Variants in IL18 observed in about 807,000 individuals in gnomAD.
IL18 encodes the protein interleukin 18.
Under a neutral mutation model 14.2 loss-of-function variants are expected in IL18, and 8 were observed. The observed-to-expected ratio is 0.56, with a 90% confidence interval of 0.33 to 1.01. The LOEUF is 1.01. Among genes scored for constraint, IL18 ranks in the 50% least tolerant of loss-of-function variants. The pLI, the probability that IL18 is intolerant of heterozygous loss-of-function variation, is 0.03. For synonymous variants in IL18, 67 were observed against 71.0 expected (o/e 0.94, Z 0.28); for missense variants, 166 against 231.1 (o/e 0.72, Z 1.83).
intron 5 of IL18, among the ~76,000 whole-genome samples, chr11:112,145,594 C>A (rs966513745): frequency 2.6e-5 from 4 of 152,078 alleles, no homozygotes; most frequent in Non-Finnish European, 5.9e-5. Context: ...AAAAAATTAG[C>A]TGGGCATGGT....
intron 5 of IL18, among the ~76,000 whole-genome samples, chr11:112,148,028 T>C (rs1271364729): frequency 6.6e-6 from 1 of 152,182 alleles, no homozygotes; most frequent in Non-Finnish European, 1.5e-5. Context: ...TTGAAGATAA[T>C]TATAGCATTA....
intron 3 of IL18, among the ~76,000 whole-genome samples, chr11:112,151,346 T>C (rs1866435981): frequency 6.6e-6 from 1 of 152,170 alleles, no homozygotes; most frequent in Admixed American, 6.6e-5. Context: ...AGCATTTCTG[T>C]GTCTGTATAT....
intron 1 of IL18, among the ~76,000 whole-genome samples, chr11:112,160,192 TC>T (rs1169353586): frequency 6.6e-6 from 1 of 151,996 alleles, no homozygotes; most frequent in Non-Finnish European, 1.5e-5. Flanking sequence ...AATCAAGCCC[TC>T]ATTACCCCTG....
At chr11:112,147,182 G>A (rs1866358877) in intron 5 of IL18, among the ~76,000 whole-genome samples, 1 of 151,570 alleles carries the variant, frequency 6.6e-6, no homozygotes, top group South Asian at 2.1e-4. Flanking sequence ...CGCCCCCCTC[G>A]GCCTCCCAAA....
At chr11:112,162,365 T>C (rs1411771986) in intron 1 of IL18, among the ~76,000 whole-genome samples, 2 of 147,852 alleles carry the variant, frequency 1.4e-5, no homozygotes, top group Admixed American at 6.8e-5. Flanking sequence ...TTTTGAGACA[T>C]GGTCTTGCTC....
At chr11:112,158,949 T>G (rs2135323421) in intron 1 of IL18, among the ~76,000 whole-genome samples, 1 of 152,196 alleles carries the variant, frequency 6.6e-6, no homozygotes, top group East Asian at 1.9e-4. Context: ...GTAAGCAGAC[T>G]AAAGAGTTTG....
In IL18 at chr11:112,150,172, T is replaced by C. The variant is rs1465017742; in HGVS notation, c.126A>G (p.Glu42=). ...NLESDYFGKL[E]SKLSVIRNLN... ...AATTTCTTATGACTGATAATTTAGATTCAAGCTTGCCAAAGTAATCTGATT... is the reference window on the plus strand; with the variant it reads ...AATTTCTTATGACTGATAATTTAGACTCAAGCTTGCCAAAGTAATCTGATT... Residue 42 remains glutamate (E), a synonymous_variant, in exon 4 of 6, where the codon GAA becomes GAG. Coordinates refer to ENST00000280357, the MANE Select transcript of IL18 (RefSeq NM_001562.4). 1 of 1,591,950 alleles carries C rather than the reference T, an allele frequency of 6.3e-7. No homozygotes were observed. Among genetic ancestry groups the C allele is most frequent in the Admixed American group, 1.7e-5 (1 of 59,444 alleles).
chr11:112,158,521 GTTT>G (rs71060226), intron 1 of IL18, among the ~76,000 whole-genome samples: 1 of 104,984 alleles, frequency 9.5e-6, no homozygotes, highest in East Asian at 2.6e-4. Flanking sequence ...TTTATTTGGA[GTTT>G]TTTTTTTTTT....
intron 3 of IL18, among the ~76,000 whole-genome samples, chr11:112,152,043 A>G (rs937350630): frequency 2.6e-5 from 4 of 152,148 alleles, no homozygotes; most frequent in African/African-American, 9.7e-5. Flanking sequence ...CTCCAGCCCA[A>G]ATCTTTGTCC....
intron 1 of IL18, among the ~76,000 whole-genome samples, chr11:112,161,318 A>G (rs1866627641): frequency 6.6e-6 from 1 of 152,212 alleles, no homozygotes; most frequent in South Asian, 2.1e-4. Flanking sequence ...GAAGTTGGCT[A>G]GTCAGTCTTT....
chr11:112,147,639 G>A (rs1453954736), intron 5 of IL18, among the ~76,000 whole-genome samples: 1 of 152,234 alleles, frequency 6.6e-6, no homozygotes, highest in East Asian at 1.9e-4. Flanking sequence ...TGAGGGATTT[G>A]TCTGGGGGCT....
Position 112,153,610 on chromosome 11 carries a change from G to C in IL18, c.80-7C>G. ...ACTTTACCATCATCTTCAGCTAAGA[G>C]GGGGAAAAAGAGAGAAACAGAATAT... On this transcript the variant is annotated splice_polypyrimidine_tract_variant and splice_region_variant and intron_variant, in intron 2 of 5. Coordinates refer to ENST00000280357, the MANE Select transcript of IL18 (RefSeq NM_001562.4). 6.5e-7 allele frequency: 1 copy of C among 1,547,730 alleles called. No individual in the cohort carries two copies. The highest frequency in any genetic ancestry group is 8.8e-7 in the Non-Finnish European group (1 of 1,136,486).
intron 4 of IL18, among the ~76,000 whole-genome samples, chr11:112,149,339 AAC>A (rs1402480713): frequency 2.0e-5 from 3 of 152,066 alleles, no homozygotes; most frequent in Admixed American, 1.3e-4. Context: ...TGTGTATTAC[AAC>A]ACACACGCTG....
chr11:112,143,794 G>T lies in IL18; in HGVS notation c.384C>A (p.Ile128=). Residue 128 remains isoleucine (I), a synonymous_variant, in exon 6 of 6, where the codon ATC becomes ATA. Transcript: ENST00000280357. The part of the protein sequence containing the change: ...SFKEMNPPDN[I]KDTKSDIIFF... ...ATATGATGTCACTTTTTGTATCCTT[G>T]ATGTTATCAGGAGGATTCATTTCCT... 6.2e-7 allele frequency: 1 copy of T among 1,602,868 alleles called. No homozygotes were observed.
At position 112,143,683 on chromosome 11, in the gene IL18, T is replaced by C. The variant is rs1276717175; in HGVS notation, c.495A>G (p.Lys165=). ...AAATGAGTTTAAAAAGGTCTCTCTC[T>C]TTTTCACAAGCTAGAAAGTATCCTT... ...SYEGYFLACE[K]ERDLFKLILK... Residue 165 remains lysine (K), a synonymous_variant, in exon 6 of 6, where the codon AAA becomes AAG. Coordinates refer to ENST00000280357, the MANE Select transcript of IL18 (RefSeq NM_001562.4). The C allele has an allele frequency of 6.2e-7, 1 of 1,612,850 alleles. No homozygotes were observed. The highest frequency in any genetic ancestry group is 1.1e-5 in the South Asian group (1 of 91,052).
intron 3 of IL18, among the ~76,000 whole-genome samples, chr11:112,151,419 T>C (rs1231491702): frequency 2.0e-5 from 3 of 152,110 alleles, no homozygotes; most frequent in Non-Finnish European, 4.4e-5. Flanking sequence ...TTCTGGGTGG[T>C]TTTTATATTT....
In IL18 at chr11:112,150,177, G is replaced by A; in HGVS notation, c.121C>T (p.Leu41Phe). 6.3e-7 allele frequency: 1 copy of A among 1,583,950 alleles called. No individual in the cohort carries two copies. Among genetic ancestry groups the A allele is most frequent in the Non-Finnish European group, 8.7e-7 (1 of 1,154,374 alleles). ...ENLESDYFGK[L>F]ESKLSVIRNL... ...CTTATGACTGATAATTTAGATTCAA[G>A]CTTGCCAAAGTAATCTGATTCCAGG... Residue 41 changes from leucine to phenylalanine, a missense_variant, in exon 4 of 6, where the codon CTT becomes TTT. Physicochemically the swap from Leu to Phe is conservative, Grantham distance 22. Coordinates refer to ENST00000280357, the MANE Select transcript of IL18 (RefSeq NM_001562.4).
chr11:112,156,920 G>A (rs1866544571), intron 1 of IL18, among the ~76,000 whole-genome samples: 1 of 151,652 alleles, frequency 6.6e-6, no homozygotes, highest in Non-Finnish European at 1.5e-5. Context: ...TAAAGGAGGG[G>A]ATAAGGAAGA....
intron 1 of IL18, among the ~76,000 whole-genome samples, chr11:112,157,320 T>A (rs1329302230): frequency 6.6e-6 from 1 of 152,138 alleles, no homozygotes; most frequent in Admixed American, 6.5e-5. Context: ...TGGGCAGGAA[T>A]TGGATTAAAT....
Sources: allele counts gnomAD v4.1 joint callset (sites outside exome capture counted in the v4.1 genomes callset), GRCh38; gene constraint gnomAD v4.1.1; transcripts MANE v1.5; gene names NCBI Gene and HGNC (gene_info 2026-07-23, HGNC 2026-07-21).